MUC4: variants seen among roughly 807,000 people sequenced by gnomAD.
MUC4 encodes mucin-4.
Under a neutral mutation model 257.9 loss-of-function variants are expected in MUC4, and 202 were observed. That is an observed-to-expected ratio of 0.78 (90% CI 0.70 to 0.88). MUC4 has a LOEUF of 0.88. Ranked by LOEUF, MUC4 falls within the 40% of genes least tolerant of loss-of-function variation. The pLI is 0.00. For synonymous variants in MUC4, 2,351 were observed against 2,757.1 expected (o/e 0.85, Z 4.62); for missense variants, 5,976 against 6,513.7 (o/e 0.92, Z 2.84).
chr3:195,766,180 C>T (rs1458110916), intron 8 of MUC4, among the ~76,000 whole-genome samples: 1 of 152,108 alleles, frequency 6.6e-6, no homozygotes, highest in Non-Finnish European at 1.5e-5. Context: ...AGGCTGGTCT[C>T]GAACTCCTGA....
intron 19 of MUC4, chr3:195,753,821 C>G (rs548808537): frequency 4.5e-6 from 1 of 220,252 alleles, no homozygotes; most frequent in Non-Finnish European, 8.8e-6. Flanking sequence ...AGCCTCGTGT[C>G]TCTGAAGATC....
rs1012104320 is a variant in MUC4 at position 195,755,619 on chromosome 3, C to A, written c.15169-1247G>T. Among the ~76,000 whole-genome samples the A allele has an allele frequency of 6.6e-6, 1 of 152,070 alleles. No individual in the cohort carries two copies. Among genetic ancestry groups the A allele is most frequent in the Non-Finnish European group, 1.5e-5 (1 of 68,018 alleles). Reference sequence around the variant, plus strand: ...CGCCGAGACCTCACCAAGCTCCCTGCGCTCCCCTTTCTAACTCCCTTACTG... The same window carrying A: ...CGCCGAGACCTCACCAAGCTCCCTGAGCTCCCCTTTCTAACTCCCTTACTG... On this transcript the variant is annotated intron_variant, in intron 18 of 24. Coordinates refer to ENST00000463781, the MANE Select transcript of MUC4 (RefSeq NM_018406.7). This position sits in a 1 kb window ranked among gnomAD's most constrained non-coding sequence, Gnocchi z 5.0.
rs753326750 is a variant in MUC4, at chr3:195,783,258, A to G, written c.8322T>C (p.Thr2774=). Residue 2774 remains threonine, a synonymous_variant, in exon 2 of 25, where the codon ACT becomes ACC. Coordinates refer to ENST00000463781, the MANE Select transcript of MUC4 (RefSeq NM_018406.7). ...TGGCGTGACCTGTGGATACTGAGGA[A>G]GTGTTGGTGACAGGAAGAGGGGTGG... is the stretch of plus-strand genomic sequence containing the variant. The part of the protein sequence containing the change: ...GHATPLPVTN[T]SSVSTGHATP... The G allele has an allele frequency of 6.8e-7, 1 of 1,460,724 alleles. No individual in the cohort carries two copies. Among genetic ancestry groups the G allele is most frequent in the East Asian group, 2.5e-5 (1 of 40,144 alleles). 90.5% of individuals were successfully genotyped at this position (1,460,724 alleles called of 1,614,324 possible).
At chr3:195,759,377 CT>C in intron 16 of MUC4, 116 bp from the exon 17 acceptor site, 1 of 1,353,226 alleles carries the variant, frequency 7.4e-7, no homozygotes, top group East Asian at 2.3e-5. Flanking sequence ...TGACCCACCT[CT>C]GGAAGAAGGA....
In MUC4 at chr3:195,779,779, G is replaced by A. The variant is rs1553867933; in HGVS notation, c.11801C>T (p.Ala3934Val). The change falls in exon 2 of 25, where the codon GCC becomes GTC. Residue 3934 changes from alanine (A) to valine (V), a missense_variant. Transcript: ENST00000463781. Reference protein sequence around the residue: ...TDVSSASTGHATPLPVTSTSS... With the variant: ...TDVSSASTGHVTPLPVTSTSS... ...AGTGCTGGTGACAGGAAGAGGGGTG[G>A]CATGTCCTGTGGATGCCGAGGAAAC... The A allele has an allele frequency of 6.4e-4, 672 of 1,042,204 alleles. 21 individuals are homozygous for A. The highest frequency in any genetic ancestry group is 2.6e-3 in the East Asian group (60 of 23,448). 64.6% of individuals were successfully genotyped at this position (1,042,204 alleles called of 1,614,324 possible).
intron 1 of MUC4, 38 bp downstream of exon 1, chr3:195,811,697 TC>T: frequency 6.3e-7 from 1 of 1,599,076 alleles, no homozygotes; most frequent in South Asian, 1.1e-5. Context: ...CCCCAAGTGC[TC>T]CCCGCAGCCA....
chr3:195,747,842 C>G (rs1414155000), intron 24 of MUC4, among the ~76,000 whole-genome samples: 2 of 152,288 alleles, frequency 1.3e-5, no homozygotes, highest in African/African-American at 4.8e-5. Context: ...GCCTGGGGGA[C>G]AGAGCAAGAC....
At position 195,757,044 on chromosome 3, in the gene MUC4, C is replaced by A; in HGVS notation, c.15168+103G>T. 1 of 1,254,822 alleles carries A rather than the reference C, an allele frequency of 8.0e-7. No homozygotes were observed. Among genetic ancestry groups the A allele is most frequent in the Non-Finnish European group, 1.1e-6 (1 of 890,608 alleles). The allele number at this position is 1,254,822 out of a possible 1,614,324, so 77.7% of individuals were successfully genotyped here. ...CACCTACCACTGCTCCACCCATCTC[C>A]CAACACAGACACACCCAGGACAGGC... On this transcript the variant is annotated intron_variant, in intron 18 of 24. Coordinates refer to ENST00000463781, the MANE Select transcript of MUC4 (RefSeq NM_018406.7). This position sits in a 1 kb window ranked among gnomAD's most constrained non-coding sequence, Gnocchi z 4.8.
At position 195,790,273 on chromosome 3, in the gene MUC4, G is replaced by A; in HGVS notation, c.1307C>T (p.Thr436Ile). The A allele has an allele frequency of 6.2e-7, 1 of 1,614,022 alleles. No homozygotes were observed. Among genetic ancestry groups the A allele is most frequent in the Non-Finnish European group, 8.5e-7 (1 of 1,179,890 alleles). Residue 436 changes from threonine (T) to isoleucine (I), a missense_variant, in exon 2 of 25, where the codon ACA becomes ATA. Transcript: ENST00000463781. ...AGGTAGAGAACTGGGGGAGAGTGCT[G>A]TTGACAGAGTGTCTGACCACCATAT... ...STIWWSDTLS[T>I]ALSPSSLPPK...
chr3:195,773,429 C>G (rs1050824440), intron 4 of MUC4, among the ~76,000 whole-genome samples: 2 of 151,344 alleles, frequency 1.3e-5, no homozygotes, highest in African/African-American at 4.9e-5. Context: ...GGAAACCTCT[C>G]TCTCACTCAG....
intron 1 of MUC4, among the ~76,000 whole-genome samples, chr3:195,798,086 C>A (rs1158614083): frequency 6.6e-6 from 1 of 152,148 alleles, no homozygotes; most frequent in Non-Finnish European, 1.5e-5. Context: ...CCACTGTACT[C>A]CAGCCTGCAT....
At position 195,765,121 on chromosome 3, in the gene MUC4, A is replaced by C; in HGVS notation, c.13800T>G (p.Gly4600=). The change falls in exon 10 of 25, where the codon GGT becomes GGG. Residue 4600 remains glycine, a splice_region_variant and synonymous_variant. Coordinates refer to ENST00000463781, the MANE Select transcript of MUC4 (RefSeq NM_018406.7). ...RDLRFQPVSI[G]RWGLGSRQLC... ...GCTGCCTACTGCCGAGGCCCCAGCG[A>C]CCTGAAACAAGTCCAGTCCCACTCA... 1.9e-6 allele frequency: 3 copies of C among 1,611,708 alleles called. No homozygotes were observed. Among genetic ancestry groups the C allele is most frequent in the Non-Finnish European group, 2.5e-6 (3 of 1,178,832 alleles).
chr3:195,788,426 C>G lies in MUC4; in HGVS notation c.3154G>C (p.Gly1052Arg), dbSNP rs1404966898. The change falls in exon 2 of 25, where the codon GGT becomes CGT. Residue 1052 changes from glycine to arginine, a missense_variant. Transcript: ENST00000463781. ...GTGACAGGAAGAGGGGTGCTGTCAC[C>G]TGTGGATGCTGAGGAAAAGCTGGTG... ...PVTSFSSAST[G>R]DSTPLPVTDT... The G allele has an allele frequency of 5.9e-5, 86 of 1,469,986 alleles. 2 individuals are homozygous for G. In the Middle Eastern group the frequency reaches 7.0e-4, roughly 12 times the overall value. 91.1% of individuals were successfully genotyped at this position (1,469,986 alleles called of 1,614,324 possible). A position where few individuals can be genotyped will look rare whatever the true frequency, so the allele number is the denominator to read the frequency against.
At chr3:195,776,561 GCACCCA>G (rs1724803068) in intron 3 of MUC4, among the ~76,000 whole-genome samples, 14 of 4,108 alleles carry the variant, frequency 3.4e-3, no homozygotes, top group African/African-American at 4.6e-3. Context: ...CATACCTTCC[GCACCCA>G]TACCTTCCAC....
At chr3:195,775,605 CCATACCTTCCACAGT>C (rs1560284429) in intron 3 of MUC4, among the ~76,000 whole-genome samples, 124 of 85,290 alleles carry the variant, frequency 1.5e-3, no homozygotes, top group Middle Eastern at 6.3e-3. Context: ...CCTTCCACAC[CCATACCTTCCACAGT>C]CATACCTTCC....
chr3:195,752,275 G>T, intron 21 of MUC4, 98 bp downstream of exon 21: 1 of 1,168,618 alleles, frequency 8.6e-7, no homozygotes, highest in Non-Finnish European at 1.3e-6. Context: ...GTTGAATCCA[G>T]ATGGATGACA....
At chr3:195,806,612 CAAAT>C (rs1034247379) in intron 1 of MUC4, among the ~76,000 whole-genome samples, 64 of 152,292 alleles carry the variant, frequency 4.2e-4, no homozygotes, top group African/African-American at 1.2e-3. Flanking sequence ...GTTTAATTAA[CAAAT>C]GAATGAATGA....
Position 195,751,111 on chromosome 3 carries a change from C to A in MUC4, c.15649G>T (p.Asp5217Tyr), listed in dbSNP as rs773191641. Residue 5217 changes from aspartate (D) to tyrosine (Y), a missense_variant and splice_region_variant, in exon 23 of 25, where the codon GAT becomes TAT. Transcript: ENST00000463781. ...CTTCCCGAGGCCGGTGCTGCAGAAT[C>A]GCTGTGTGGGAGGGCAACGGTGAGG... is the stretch of plus-strand genomic sequence containing the variant. ...FLRNSQVERI[D>Y]SAAPASGSPI... 1 of 1,297,184 alleles carries A rather than the reference C, an allele frequency of 7.7e-7. No homozygotes were observed. Among genetic ancestry groups the A allele is most frequent in the Non-Finnish European group, 1.0e-6 (1 of 982,842 alleles). 80.4% of individuals were successfully genotyped at this position (1,297,184 alleles called of 1,614,324 possible).
chr3:195,762,396 G>A (rs1406400541), intron 13 of MUC4, 142 bp from the exon 14 acceptor site: 18 of 951,972 alleles, frequency 1.9e-5, no homozygotes, highest in Non-Finnish European at 2.7e-5. Flanking sequence ...GCGGAGAAGA[G>A]GCCGGCGAGC....
Sources: gnomAD v4.1 joint callset for allele counts (sites outside exome capture counted in the v4.1 genomes callset) on GRCh38, gnomAD v4.1.1 for gene constraint, Gnocchi (gnomAD v3.1) non-coding constraint, MANE v1.5 for transcripts, NCBI Gene and HGNC (gene_info 2026-07-23, HGNC 2026-07-21) for gene names.